The following IAH1 variants were observed in gnomAD, a reference collection of about 807,000 sequenced individuals.
The protein encoded by IAH1 is isoamyl acetate-hydrolyzing esterase 1 homolog.
Under a neutral mutation model 26.7 loss-of-function variants are expected in IAH1, and 24 were observed. The ratio of observed to expected loss-of-function variants is 0.90; its 90% CI spans 0.65 to 1.26. The LOEUF (loss-of-function observed/expected upper bound fraction) is 1.26. Among genes scored for constraint, IAH1 ranks in the 50% most tolerant of loss-of-function variants. IAH1 has a pLI of 0.00. For synonymous variants in IAH1, 140 were observed against 118.5 expected, an observed-to-expected ratio of 1.18 and a Z score of -1.18; for missense variants, 300 against 299.9, an observed-to-expected ratio of 1.00 and a Z score of 0.00.
At chr2:9,504,969 G>A in the IAH1 span, among the ~76,000 whole-genome samples, 1 of 152,132 alleles carries the variant, frequency 6.6e-6, no homozygotes, top group Non-Finnish European at 1.5e-5. Context: ...CTCCCAGAGT[G>A]CTGGGATGAC....
chr2:9,489,538 G>C lies in IAH1; in HGVS notation c.*1209G>C, dbSNP rs1467488987. On this transcript the variant is annotated 3_prime_UTR_variant, in exon 6 of 6. Transcript: ENST00000497473. ...CTACCATGTATAGCCCTCACTGTAA[G>C]GTAGGTGGTTAGGTTTCTAGAGAGC... is the stretch of plus-strand genomic sequence containing the variant. The C allele has an allele frequency of 6.6e-6, 1 of 152,204 alleles. No homozygotes were observed. The highest frequency in any genetic ancestry group is 1.5e-5 in the Non-Finnish European group (1 of 67,994). 9.4% of individuals were successfully genotyped at this position (152,204 alleles called of 1,614,324 possible). A position where few individuals can be genotyped will look rare whatever the true frequency, so the allele number is the denominator to read the frequency against.
downstream of IAH1, among the ~76,000 whole-genome samples, chr2:9,499,327 G>A (rs933050665): frequency 6.6e-6 from 1 of 152,086 alleles, no homozygotes; most frequent in African/African-American, 2.4e-5. Flanking sequence ...TTATTACAGT[G>A]AAGATGAAAC....
At chr2:9,490,974 G>C (rs1196818389), downstream of IAH1, 3 of 801,988 alleles carry the variant, frequency 3.7e-6, no homozygotes, top group Admixed American at 2.5e-5. Context: ...TTCCAACCTA[G>C]ACCCTTCCTG....
Position 9,481,313 on chromosome 2 carries a change from T to G in IAH1, c.311T>G (p.Leu104Arg), listed in dbSNP as rs151051276. 632 of 1,614,182 alleles carry G rather than the reference T, an allele frequency of 3.9e-4. No homozygotes were observed. The highest frequency in any genetic ancestry group is 1.3e-3 in the Middle Eastern group (8 of 6,062). The change falls in exon 4 of 6, where the codon CTG becomes CGG. Residue 104 changes from leucine to arginine, a missense_variant. Transcript: ENST00000497473. ...GAGAATCCCAAGCAGCACATTCCCC[T>G]GGAGGAGTACGCTGCGAACCTAAAG... ...KDENPKQHIP[L>R]EEYAANLKSM...
the IAH1 span, chr2:9,505,466 C>A: frequency 4.0e-6 from 5 of 1,245,446 alleles, no homozygotes; most frequent in Middle Eastern, 2.3e-4. Context: ...TAATGTAAAA[C>A]CACCATCAGA....
At chr2:9,504,305 C>T in the IAH1 span, among the ~76,000 whole-genome samples, 2 of 151,558 alleles carry the variant, frequency 1.3e-5, no homozygotes, top group African/African-American at 2.4e-5. Flanking sequence ...ATCAGCCAGG[C>T]GTGATGGTGC....
At chr2:9,496,008 T>C (rs1662568164) in intron 6 of IAH1, among the ~76,000 whole-genome samples, 1 of 151,848 alleles carries the variant, frequency 6.6e-6, no homozygotes, top group Admixed American at 6.6e-5. Flanking sequence ...CCTATCTTCT[T>C]TACCTACACA....
At chr2:9,490,559 A>C, downstream of IAH1, 1 of 1,556,594 alleles carries the variant, frequency 6.4e-7, no homozygotes, top group East Asian at 2.3e-5. Flanking sequence ...GGAATAAAAG[A>C]TGAATCGGAG....
downstream of IAH1, chr2:9,490,457 G>A (rs181463078): frequency 1.9e-5 from 31 of 1,614,028 alleles, no homozygotes; most frequent in East Asian, 6.7e-5. Context: ...AGTCTGGGGC[G>A]CAGGAAAGGG....
At position 9,481,506 on chromosome 2, in the gene IAH1, T is replaced by C. The variant is rs577495192; in HGVS notation, c.445+59T>C. 9 of 1,557,086 alleles carry C rather than the reference T, an allele frequency of 5.8e-6. No individual in the cohort carries two copies. In the East Asian group the frequency reaches 1.4e-4, roughly 23 times the overall value. The stretch of plus-strand genomic sequence containing the variant: ...GATAGGAATGCTGAGGGAGGAACTC[T>C]GATAGGACAGTGGTTTCCTGCCTGG... On this transcript the variant is annotated intron_variant, in intron 4 of 5. Coordinates refer to ENST00000497473, the MANE Select transcript of IAH1 (RefSeq NM_001039613.3).
At chr2:9,505,368 T>C in the IAH1 span, 73 of 1,613,426 alleles carry the variant, frequency 4.5e-5, no homozygotes, top group Non-Finnish European at 5.8e-5. Context: ...GAAAACATCT[T>C]GAGAGAAAAA....
intron 5 of IAH1, chr2:9,486,106 TC>T (rs1572851436): frequency 6.6e-6 from 1 of 152,066 alleles, no homozygotes; most frequent in East Asian, 1.9e-4. Context: ...TACCAATCGT[TC>T]CAATGACCTA....
At chr2:9,484,580 T>C in intron 5 of IAH1, 30 bp downstream of exon 5, 2 of 1,440,796 alleles carry the variant, frequency 1.4e-6, no homozygotes. Flanking sequence ...CCTCTCGGGG[T>C]AAATAGGATC....
downstream of IAH1, among the ~76,000 whole-genome samples, chr2:9,500,429 T>G (rs1662929970): frequency 6.6e-6 from 1 of 152,206 alleles, no homozygotes; most frequent in Non-Finnish European, 1.5e-5. Context: ...GGATCATAGC[T>G]AAAGGATACA....
downstream of IAH1, chr2:9,494,500 T>C (rs1196827896): frequency 7.2e-6 from 7 of 975,456 alleles, no homozygotes; most frequent in African/African-American, 6.6e-5. Context: ...TCCTAAGTAA[T>C]ACCCGTAGAT....
the IAH1 span, among the ~76,000 whole-genome samples, chr2:9,511,382 G>A: frequency 3.9e-5 from 6 of 151,914 alleles, no homozygotes; most frequent in South Asian, 2.1e-4. Context: ...CCCAGGAGGC[G>A]GAGGTTGCAG....
intron 3 of IAH1, among the ~76,000 whole-genome samples, chr2:9,478,921 T>C (rs1414499479): frequency 6.6e-6 from 1 of 152,216 alleles, no homozygotes; most frequent in Non-Finnish European, 1.5e-5. Context: ...GCCTTCTGCG[T>C]GCTATCGACG....
chr2:9,492,404 A>AT (rs1340332583), downstream of IAH1, among the ~76,000 whole-genome samples: 1 of 152,190 alleles, frequency 6.6e-6, no homozygotes, highest in African/African-American at 2.4e-5. Context: ...GCTTACTCTT[A>AT]TTTTTTGGGG....
At chr2:9,498,990 T>C (rs1473124143), downstream of IAH1, among the ~76,000 whole-genome samples, 7 of 152,190 alleles carry the variant, frequency 4.6e-5, no homozygotes, top group Non-Finnish European at 8.8e-5. Flanking sequence ...CTGGCCTCCC[T>C]TCCCACATTT....
Sources: allele counts gnomAD v4.1 joint callset (sites outside exome capture counted in the v4.1 genomes callset), GRCh38; gene constraint gnomAD v4.1.1; transcripts MANE v1.5; gene names NCBI Gene and HGNC (gene_info 2026-07-23, HGNC 2026-07-21).